PALLD: variants seen among roughly 807,000 people sequenced by gnomAD.
PALLD encodes the protein palladin, cytoskeletal associated protein, also known as palladin.
In PALLD, 61 loss-of-function variants were observed where a neutral mutation model predicts 123.5. The observed-to-expected ratio is 0.49, with a 90% confidence interval of 0.40 to 0.61. PALLD has a LOEUF of 0.61. PALLD is among the 20% of genes least tolerant of loss of function. PALLD has a pLI of 0.00. For missense variants in PALLD, 1,273 were observed against 1,377.0 expected (o/e 0.92, Z 1.20); for synonymous variants, 465 against 496.4 (o/e 0.94, Z 0.84).
At chr4:168,563,152 G>A (rs10022111) in intron 2 of PALLD, among the ~76,000 whole-genome samples, 56,348 of 151,894 alleles carry the variant, frequency 0.37, 10,717 homozygotes, top group East Asian at 0.65. Context: ...GGGTGGGCAG[G>A]TTTCACAGGC....
chr4:168,587,384 C>T (rs1347540223), intron 2 of PALLD, among the ~76,000 whole-genome samples: 1 of 152,212 alleles, frequency 6.6e-6, no homozygotes, highest in African/African-American at 2.4e-5. Context: ...CACCAATATA[C>T]TTTCACCCTT....
At chr4:168,729,352 CG>C (rs995714608) in intron 10 of PALLD, among the ~76,000 whole-genome samples, 1 of 151,114 alleles carries the variant, frequency 6.6e-6, no homozygotes, top group African/African-American at 2.4e-5. Flanking sequence ...TTTTTAGAGA[CG>C]GGGTCTTGCT....
intron 2 of PALLD, among the ~76,000 whole-genome samples, chr4:168,603,644 G>A (rs888543861): frequency 6.6e-6 from 1 of 152,124 alleles, no homozygotes; most frequent in Non-Finnish European, 1.5e-5. Flanking sequence ...ATGCATTTTT[G>A]CAAGGTGGTA....
At chr4:168,607,988 A>G (rs557739055) in intron 2 of PALLD, among the ~76,000 whole-genome samples, 14 of 152,272 alleles carry the variant, frequency 9.2e-5, no homozygotes, top group African/African-American at 2.6e-4. Flanking sequence ...GGCTGGAAAT[A>G]TGGCTACCAG....
At chr4:168,814,576 G>A (rs1561554087) in intron 10 of PALLD, among the ~76,000 whole-genome samples, 2 of 152,182 alleles carry the variant, frequency 1.3e-5, no homozygotes, top group Non-Finnish European at 2.9e-5. Flanking sequence ...ACATAACTGC[G>A]TTGCAGCAAA....
At chr4:168,716,977 C>T (rs1198100214) in intron 10 of PALLD, among the ~76,000 whole-genome samples, 6 of 152,172 alleles carry the variant, frequency 3.9e-5, no homozygotes, top group African/African-American at 7.2e-5. Context: ...ACTTGTCTTT[C>T]AAATCTCAGC....
intron 10 of PALLD, among the ~76,000 whole-genome samples, chr4:168,836,022 G>A (rs1045806667): frequency 5.3e-5 from 8 of 152,148 alleles, no homozygotes; most frequent in African/African-American, 1.9e-4. Context: ...GACTACTTAG[G>A]GCACAGATTT....
chr4:168,822,699 C>T (rs547216787), intron 10 of PALLD, among the ~76,000 whole-genome samples: 1 of 152,156 alleles, frequency 6.6e-6, no homozygotes, highest in Non-Finnish European at 1.5e-5. Context: ...GATTGTTCAC[C>T]ATGGAGCTAT....
chr4:168,925,211 C>T (rs754499966), intron 20 of PALLD, 22 bp from the exon 21 acceptor site: 5 of 1,459,220 alleles, frequency 3.4e-6, no homozygotes, highest in Non-Finnish European at 4.6e-6. Context: ...TCATATTGCT[C>T]TCTCTCTCTT....
chr4:168,862,930 C>A (rs112596254), intron 10 of PALLD, among the ~76,000 whole-genome samples: 2 of 152,264 alleles, frequency 1.3e-5, no homozygotes, highest in African/African-American at 4.8e-5. Context: ...AATTGCCTTC[C>A]ATGAGGGAGT....
intron 15 of PALLD, among the ~76,000 whole-genome samples, chr4:168,913,602 A>ATAT: frequency 6.6e-6 from 1 of 152,094 alleles, no homozygotes; most frequent in Non-Finnish European, 1.5e-5. Flanking sequence ...TTACAATTCA[A>ATAT]CATCATGTGT....
chr4:168,834,399 T>C (rs889524854), intron 10 of PALLD, among the ~76,000 whole-genome samples: 5 of 152,132 alleles, frequency 3.3e-5, no homozygotes, highest in African/African-American at 4.8e-5. Context: ...CTTCAGTAGA[T>C]CCTTATGAGC....
chr4:168,760,012 C>T (rs1011566327), intron 10 of PALLD, among the ~76,000 whole-genome samples: 1 of 151,592 alleles, frequency 6.6e-6, no homozygotes, highest in Non-Finnish European at 1.5e-5. Flanking sequence ...TGAGATGGCA[C>T]CACTGCACTC....
chr4:168,733,349 A>T (rs1330480857), intron 10 of PALLD, among the ~76,000 whole-genome samples: 1 of 152,224 alleles, frequency 6.6e-6, no homozygotes, highest in Non-Finnish European at 1.5e-5. Flanking sequence ...CTACAAATTT[A>T]CTGCTTAGGG....
intron 2 of PALLD, among the ~76,000 whole-genome samples, chr4:168,650,796 A>G (rs1367954026): frequency 6.6e-6 from 1 of 152,100 alleles, no homozygotes; most frequent in Non-Finnish European, 1.5e-5. Flanking sequence ...CCCTGCCACC[A>G]TCTCCACCAA....
chr4:168,645,097 C>CAA (rs58366362), intron 2 of PALLD, among the ~76,000 whole-genome samples: 7 of 117,112 alleles, frequency 6.0e-5, no homozygotes, highest in African/African-American at 1.2e-4. Flanking sequence ...GACACAGTCT[C>CAA]AAAAAAAAAA....
intron 2 of PALLD, among the ~76,000 whole-genome samples, chr4:168,620,104 T>A (rs993507525): frequency 1.3e-5 from 2 of 152,198 alleles, no homozygotes; most frequent in Non-Finnish European, 2.9e-5. Flanking sequence ...GCTAAAAATG[T>A]CATTAATGGG....
At chr4:168,506,191 T>C (rs1457921688) in intron 1 of PALLD, 2 of 152,246 alleles carry the variant, frequency 1.3e-5, no homozygotes, top group African/African-American at 4.8e-5. Context: ...ACATCACATC[T>C]AACTTCAACC....
At chr4:168,739,072 A>C (rs184556049) in intron 10 of PALLD, among the ~76,000 whole-genome samples, 157 of 152,254 alleles carry the variant, frequency 1.0e-3, no homozygotes, top group Admixed American at 2.0e-3. Flanking sequence ...ATGATCTCCC[A>C]TTCCATTCAT....
Sources: allele counts gnomAD v4.1 joint callset (sites outside exome capture counted in the v4.1 genomes callset), GRCh38; gene constraint gnomAD v4.1.1; transcripts MANE v1.5; gene names NCBI Gene and HGNC (gene_info 2026-07-23, HGNC 2026-07-21).